The following TMTC2 variants were observed in gnomAD, a reference collection of about 807,000 sequenced individuals.
TMTC2 encodes the protein protein O-mannosyl-transferase TMTC2.
A neutral mutation model predicts 82.4 loss-of-function variants in TMTC2; 43 were observed. The observed-to-expected ratio is 0.52, with a 90% CI of 0.41 to 0.67. The LOEUF (loss-of-function observed/expected upper bound fraction) is 0.67, where lower values mean the gene tolerates loss of function less well. Ranked by LOEUF, TMTC2 falls within the 30% of genes least tolerant of loss-of-function variation. The probability of loss-of-function intolerance (pLI) is 0.00; values close to 1 mark genes in which losing one functional copy is unlikely to be tolerated. For missense variants in TMTC2, 919 were observed against 1,012.4 expected, an observed-to-expected ratio of 0.91 and a Z score of 1.25; for synonymous variants, 408 against 381.9, an observed-to-expected ratio of 1.07 and a Z score of -0.80.
intron 7 of TMTC2, among the ~76,000 whole-genome samples, 176 bp from the exon 8 acceptor site, chr12:82,985,749 C>T (rs1879126516): frequency 6.6e-6 from 1 of 152,114 alleles, no homozygotes; most frequent in South Asian, 2.1e-4. Flanking sequence ...GATTTTTCAT[C>T]TGTAAAATGG....
Position 83,123,565 on chromosome 12 carries a change from T to C in TMTC2, c.2332-8645T>C, listed in dbSNP as rs1885019096. On this transcript the variant is annotated intron_variant, in intron 11 of 11. Transcript: ENST00000321196. ...ATGATAGCCTTTTGTGAAGATCATT[T>C]GTTTAATTGTATTAATCTTGCATTT... 3.3e-5 allele frequency among the ~76,000 whole-genome samples: 5 copies of C among 152,244 alleles called. No individual in the cohort carries two copies. In the South Asian group the frequency reaches 1.0e-3, roughly 31 times the overall value.
chr12:82,939,813 T>G (rs924464422), intron 4 of TMTC2, among the ~76,000 whole-genome samples: 8 of 152,112 alleles, frequency 5.3e-5, no homozygotes, highest in African/African-American at 1.9e-4. Context: ...ATCCTTGTTA[T>G]TTGTTTCCCA....
chr12:83,097,114 A>G (rs565595283), intron 11 of TMTC2, among the ~76,000 whole-genome samples: 21 of 152,344 alleles, frequency 1.4e-4, no homozygotes, highest in African/African-American at 4.3e-4. Flanking sequence ...ATGTGAAGCT[A>G]GATGATCTGC....
chr12:82,954,754 C>A (rs1346734892), intron 4 of TMTC2, among the ~76,000 whole-genome samples: 1 of 152,140 alleles, frequency 6.6e-6, no homozygotes, highest in Admixed American at 6.5e-5. Context: ...AGGCGAAAGG[C>A]CACTTTACTT....
At chr12:82,749,931 T>C (rs903617934) in intron 1 of TMTC2, among the ~76,000 whole-genome samples, 4 of 152,052 alleles carry the variant, frequency 2.6e-5, no homozygotes, top group African/African-American at 7.2e-5. Context: ...GGAGGTGGGC[T>C]TTCACCATGT....
chr12:83,073,953 C>T (rs930991324), intron 11 of TMTC2, among the ~76,000 whole-genome samples: 35 of 152,136 alleles, frequency 2.3e-4, no homozygotes, highest in African/African-American at 8.4e-4. Context: ...GGCTTAATAA[C>T]TAACCTCCTG....
intron 8 of TMTC2, among the ~76,000 whole-genome samples, chr12:83,008,547 A>T (rs1277876439): frequency 6.6e-6 from 1 of 152,174 alleles, no homozygotes; most frequent in Non-Finnish European, 1.5e-5. Flanking sequence ...TACTTTTTCC[A>T]TTAGAGCACT....
In TMTC2 at chr12:82,815,651, T is replaced by A. The variant is rs1211054780; in HGVS notation, c.84-41359T>A. Reference sequence around the variant, plus strand: ...TACTGAAGATAAATACAGATTTTTTTATTTTTTTATTTTTATTTTGGCTTA... The same window carrying A: ...TACTGAAGATAAATACAGATTTTTTAATTTTTTTATTTTTATTTTGGCTTA... On this transcript the variant is annotated intron_variant, in intron 1 of 11. Coordinates refer to ENST00000321196, the MANE Select transcript of TMTC2 (RefSeq NM_152588.3). Among the ~76,000 whole-genome samples the A allele has an allele frequency of 4.6e-5, 7 of 152,020 alleles. No homozygotes were observed. The East Asian group carries it at 5.8e-4, about 13-fold the overall frequency.
chr12:82,825,054 A>G (rs1333564245), intron 1 of TMTC2, among the ~76,000 whole-genome samples: 5 of 151,826 alleles, frequency 3.3e-5, no homozygotes, highest in African/African-American at 7.3e-5. Context: ...GTGCCACGGC[A>G]TTCCAGTCTG....
At chr12:82,749,739 C>CTTTTTTTTTTTTT (rs71068950) in intron 1 of TMTC2, among the ~76,000 whole-genome samples, 11 of 127,150 alleles carry the variant, frequency 8.7e-5, no homozygotes, top group Non-Finnish European at 1.4e-4. Flanking sequence ...TTCTTTCTTT[C>CTTTTTTTTTTTTT]TTTTTTTTTT....
intron 1 of TMTC2, among the ~76,000 whole-genome samples, chr12:82,809,520 A>T (rs1030753148): frequency 5.3e-5 from 8 of 152,126 alleles, no homozygotes; most frequent in African/African-American, 1.9e-4. Flanking sequence ...GAGATTGCAC[A>T]CCAGAATTTT....
intron 1 of TMTC2, among the ~76,000 whole-genome samples, chr12:82,810,740 TG>T (rs1879459753): frequency 6.6e-6 from 1 of 152,074 alleles, no homozygotes; most frequent in Non-Finnish European, 1.5e-5. Flanking sequence ...AATTGAATCA[TG>T]GGGCTGTTTC....
chr12:82,894,830 C>T (rs1220793842), intron 2 of TMTC2, among the ~76,000 whole-genome samples: 1 of 152,046 alleles, frequency 6.6e-6, no homozygotes, highest in African/African-American at 2.4e-5. Flanking sequence ...GTCGGAGTCT[C>T]ACTCTGTTGC....
At chr12:82,849,133 T>A (rs11836973) in intron 1 of TMTC2, among the ~76,000 whole-genome samples, 10,184 of 152,080 alleles carry the variant, frequency 0.067, 973 homozygotes, top group African/African-American at 0.21. Context: ...AGAGGAGTGC[T>A]GGTATTAGAG....
At chr12:82,777,873 C>G (rs1048712327) in intron 1 of TMTC2, among the ~76,000 whole-genome samples, 15 of 152,054 alleles carry the variant, frequency 9.9e-5, no homozygotes, top group African/African-American at 3.4e-4. Flanking sequence ...CACGATTTGC[C>G]ATTTTCTCTC....
At chr12:83,008,632 G>A (rs1189582529) in intron 8 of TMTC2, among the ~76,000 whole-genome samples, 3 of 152,134 alleles carry the variant, frequency 2.0e-5, no homozygotes, top group African/African-American at 7.2e-5. Flanking sequence ...ATGTAAGTCT[G>A]GTTTTGATGC....
At chr12:82,743,609 T>C (rs182763942) in intron 1 of TMTC2, among the ~76,000 whole-genome samples, 1 of 152,176 alleles carries the variant, frequency 6.6e-6, no homozygotes, top group African/African-American at 2.4e-5. Context: ...GTTACTTTCC[T>C]AAACATTCCA....
chr12:83,114,520 T>G (rs1884695573), intron 11 of TMTC2, among the ~76,000 whole-genome samples: 1 of 152,140 alleles, frequency 6.6e-6, no homozygotes, highest in Non-Finnish European at 1.5e-5. Context: ...AACCCTAAAT[T>G]TTCATTTAAA....
intron 7 of TMTC2, among the ~76,000 whole-genome samples, chr12:82,980,677 C>G (rs1878877879): frequency 6.6e-6 from 1 of 151,772 alleles, no homozygotes; most frequent in Non-Finnish European, 1.5e-5. Context: ...GCTTGTCTGG[C>G]AGCTTTTTAA....
Sources: allele counts gnomAD v4.1 joint callset (sites outside exome capture counted in the v4.1 genomes callset), GRCh38; gene constraint gnomAD v4.1.1; transcripts MANE v1.5; gene names NCBI Gene and HGNC (gene_info 2026-07-23, HGNC 2026-07-21).